Variants in XIRP1 observed in about 807,000 individuals in gnomAD.
XIRP1 encodes the protein xin actin binding repeat containing 1.
For synonymous variants in XIRP1, 984 were observed against 947.0 expected, an observed-to-expected ratio of 1.04 and a Z score of -0.72; for missense variants, 2,378 against 2,345.4, an observed-to-expected ratio of 1.01 and a Z score of -0.29.
rs147610598 is a variant in XIRP1, at chr3:39,187,850, G to A, written c.1596C>T (p.Asp532=). 66 of 1,614,142 alleles carry A rather than the reference G, an allele frequency of 4.1e-5. No homozygotes were observed. In the African/African-American group the frequency reaches 5.1e-4, roughly 12 times the overall value. ...CCTGCCGGGTGATGCCCCGCACCAC[G>A]TCGATGGTACTGGGGCTTCGGCCGA... is the stretch of plus-strand genomic sequence containing the variant. The part of the protein sequence containing the change: ...DQLGRSPSTI[D]VVRGITRQEV... The change falls in exon 2 of 2, where the codon GAC becomes GAT. Residue 532 remains aspartate (D), a synonymous_variant. Coordinates refer to ENST00000340369, the MANE Select transcript of XIRP1 (RefSeq NM_194293.4).
Position 39,188,586 on chromosome 3 carries a change from T to C in XIRP1, c.860A>G (p.Gln287Arg), listed in dbSNP as rs1213624774. The C allele has an allele frequency of 6.2e-6, 10 of 1,613,660 alleles. No homozygotes were observed. The highest frequency in any genetic ancestry group is 8.5e-6 in the Non-Finnish European group (10 of 1,179,762). ...GGAAATCCCCCGGATCACCCGCACCTGGCTGGGGTCCTGGTTGATGGCGTC... is the reference window on the plus strand; with the variant it reads ...GGAAATCCCCCGGATCACCCGCACCCGGCTGGGGTCCTGGTTGATGGCGTC... ...PLDAINQDPS[Q>R]VRVIRGISLE... The change falls in exon 2 of 2, where the codon CAG becomes CGG. Residue 287 changes from glutamine to arginine, a missense_variant. Transcript: ENST00000340369.
At position 39,189,128 on chromosome 3, in the gene XIRP1, A is replaced by T. The variant is rs1256028105; in HGVS notation, c.318T>A (p.Ile106=). The stretch of plus-strand genomic sequence containing the variant: ...TGGCAGCTGGCCTCTCGTGTTCTCC[A>T]ATGGCATCCAGTCTCCAGTTCTCAA... The part of the protein sequence containing the change: ...WIFENWRLDA[I]GEHERPAAKE... Residue 106 remains isoleucine (I), a synonymous_variant, in exon 2 of 2, where the codon ATT becomes ATA. Coordinates refer to ENST00000340369, the MANE Select transcript of XIRP1 (RefSeq NM_194293.4). The T allele has an allele frequency of 1.7e-5, 28 of 1,613,912 alleles. No homozygotes were observed. The highest frequency in any genetic ancestry group is 2.4e-5 in the Non-Finnish European group (28 of 1,180,010).
rs1322825028 is a variant in XIRP1, at chr3:39,189,295, C to G, written c.151G>C (p.Ala51Pro). 1 of 1,609,384 alleles carries G rather than the reference C, an allele frequency of 6.2e-7. No individual in the cohort carries two copies. The highest frequency in any genetic ancestry group is 1.1e-5 in the South Asian group (1 of 90,990). The change falls in exon 2 of 2, where the codon GCT (alanine) becomes CCT (proline). Residue 51 changes from alanine (A) to proline (P), a missense_variant. By Grantham distance (27) the Ala-to-Pro change is conservative. Coordinates refer to ENST00000340369, the MANE Select transcript of XIRP1 (RefSeq NM_194293.4). ...CTGTAGAGGCGGCGGAGCTCACTAG[C>G]TTGCCGCTGCTGATGGAACTTGGAG... ...SFSKFHQQRQASELRRLYRHI... is the reference protein window; with the variant it reads ...SFSKFHQQRQPSELRRLYRHI...
In XIRP1 at chr3:39,186,984, T is replaced by C; in HGVS notation, c.2462A>G (p.Glu821Gly). The C allele has an allele frequency of 3.1e-6, 5 of 1,605,096 alleles. No homozygotes were observed. The highest frequency in any genetic ancestry group is 4.3e-6 in the Non-Finnish European group (5 of 1,172,506). The change falls in exon 2 of 2, where the codon GAG becomes GGG. Residue 821 changes from glutamate to glycine, a missense_variant. Transcript: ENST00000340369. ...GQGHPYIRKE[E>G]LVSGELPRII... ...CCTGGGAAGTTCACCTGACACCAGC[T>C]CCTCCTTTCGTATATAAGGGTGCCC...
rs548147356 is a variant in XIRP1 at position 39,188,598 on chromosome 3, T to C, written c.848A>G (p.Gln283Arg). ...FETRPLDAIN[Q>R]DPSQVRVIRG... ...GATCACCCGCACCTGGCTGGGGTCC[T>C]GGTTGATGGCGTCCAGAGGCCGGGT... Residue 283 changes from glutamine (Q) to arginine (R), a missense_variant, in exon 2 of 2, where the codon CAG (glutamine) becomes CGG (arginine). Transcript: ENST00000340369. 1.2e-6 allele frequency: 2 copies of C among 1,613,844 alleles called. No homozygotes were observed.
In XIRP1 at chr3:39,186,635, G is replaced by T. The variant is rs1480487645; in HGVS notation, c.2811C>A (p.Asp937Glu). 7 of 1,611,760 alleles carry T rather than the reference G, an allele frequency of 4.3e-6. No individual in the cohort carries two copies. In the South Asian group the frequency reaches 5.5e-5, roughly 13 times the overall value. The change falls in exon 2 of 2, where the codon GAC becomes GAA. Residue 937 changes from aspartate (D) to glutamate (E), a missense_variant. Physicochemically the swap from Asp to Glu is conservative, Grantham distance 45 (BLOSUM62 2). Coordinates refer to ENST00000340369, the MANE Select transcript of XIRP1 (RefSeq NM_194293.4). ...QLLASCIDKG[D>E]LSGLHSLRWE... ...ACCGCAGACTGTGCAGGCCACTCAG[G>T]TCTCCTTTATCTATGCAGCTGGCCA...
Position 39,184,940 on chromosome 3 carries a change from G to A in XIRP1, c.4506C>T (p.Pro1502=). ...CCTGAGGAGCAGCCCCTCCCAGCTG[G>A]GGCACGGCCTCAAAGAGCCTCCGCA... The part of the protein sequence containing the change: ...QALRRLFEAV[P]QLGGAAPQAP... The change falls in exon 2 of 2, where the codon CCC becomes CCT. Residue 1502 remains proline, a synonymous_variant. Transcript: ENST00000340369. 1 of 1,565,316 alleles carries A rather than the reference G, an allele frequency of 6.4e-7. No individual in the cohort carries two copies. Among genetic ancestry groups the A allele is most frequent in the South Asian group, 1.2e-5 (1 of 83,084 alleles).
chr3:39,189,249 CG>C lies in XIRP1; in HGVS notation c.196del (p.Arg66AlafsTer103). 3.1e-6 allele frequency: 5 copies of C among 1,614,050 alleles called. No individual in the cohort carries two copies. The highest frequency in any genetic ancestry group is 4.2e-6 in the Non-Finnish European group (5 of 1,179,988). On this transcript the variant is annotated frameshift_variant, in exon 2 of 2. Transcript: ENST00000340369. LOFTEE classifies it low-confidence loss of function (END_TRUNC). ...GGCCACAGCCTCAGCCAGATTCTTGCGGAGCTCAGGGTGGATGTGCCTGTAG... is the reference window on the plus strand; with the variant it reads ...GGCCACAGCCTCAGCCAGATTCTTGCGAGCTCAGGGTGGATGTGCCTGTAG... ...RLYRHIHPEL[R>X]KNLAEAVAED...
rs2039898437 is a variant in XIRP1, at chr3:39,183,273, G to T, written c.*641C>A. On this transcript the variant is annotated 3_prime_UTR_variant, in exon 2 of 2. Transcript: ENST00000340369. ...TGCTTCCCATTTGGGGTGCAGAGTG[G>T]GGGACAGTCATGGGGACAGAGAAAG... 6.5e-6 allele frequency: 1 copy of T among 153,186 alleles called. No individual in the cohort carries two copies. Among genetic ancestry groups the T allele is most frequent in the Admixed American group, 6.5e-5 (1 of 15,344 alleles). The allele number at this position is 153,186 out of a possible 1,614,324, so 9.5% of individuals were successfully genotyped here.
chr3:39,184,630 G>T lies in XIRP1; in HGVS notation c.4816C>A (p.Gln1606Lys). Residue 1606 changes from glutamine to lysine, a missense_variant, in exon 2 of 2, where the codon CAA becomes AAA. Gln to Lys is a moderately conservative substitution (Grantham distance 53). Transcript: ENST00000340369. ...TTGGCTTGGTTCTTGACTGCAGTTT[G>T]ACCTCCGACCTCCTGGCCTGAGCCA... The part of the protein sequence containing the change: ...PSGSGQEVGG[Q>K]TAVKNQAKVE... The T allele has an allele frequency of 6.2e-7, 1 of 1,613,780 alleles. No homozygotes were observed.
intron 1 of XIRP1, among the ~76,000 whole-genome samples, chr3:39,191,872 G>T (rs59725563): frequency 0.015 from 2,322 of 152,322 alleles, 57 homozygotes; most frequent in African/African-American, 0.052. Flanking sequence ...GCAAGACTAT[G>T]GACATGGGCA....
chr3:39,190,214 A>G (rs1254071287), intron 1 of XIRP1, among the ~76,000 whole-genome samples: 1 of 152,178 alleles, frequency 6.6e-6, no homozygotes, highest in Non-Finnish European at 1.5e-5. Context: ...TCGAAGACTG[A>G]GAATGTCTGA....
rs367688835 is a variant in XIRP1, at chr3:39,184,189, G to A, written c.5257C>T (p.Gln1753Ter). ...TGTTGTGAGCTCCCTGGCCCCGTCT[G>A]TAGCTCCAGAACACTCTTTTGCCAC... Reference protein sequence around the residue: ...RGWQKSVLELQTGPGSSQHYG... With the variant: ...RGWQKSVLEL Residue 1753 changes from glutamine (Q) to a stop codon, truncating the protein, a stop_gained, in exon 2 of 2, where the codon CAG becomes TAG. Coordinates refer to ENST00000340369, the MANE Select transcript of XIRP1 (RefSeq NM_194293.4). LOFTEE classifies it low-confidence loss of function (END_TRUNC). The A allele has an allele frequency of 5.0e-6, 8 of 1,614,094 alleles. No individual in the cohort carries two copies. The highest frequency in any genetic ancestry group is 6.8e-6 in the Non-Finnish European group (8 of 1,180,042).
rs762282667 is a variant in XIRP1 at position 39,185,487 on chromosome 3, G to A, written c.3959C>T (p.Pro1320Leu). Residue 1320 changes from proline (P) to leucine (L), a missense_variant, in exon 2 of 2, where the codon CCA (proline) becomes CTA (leucine). By Grantham distance (98) the Pro-to-Leu change is moderately conservative. Coordinates refer to ENST00000340369, the MANE Select transcript of XIRP1 (RefSeq NM_194293.4). ...AGGGGGCAGCTGCGGCTTCTTCTTT[G>A]GGGGCATGGTGGGGTCCAGTTTTGG... ...KTPKLDPTMP[P>L]KKKPQLPPKP... 2 of 1,567,624 alleles carry A rather than the reference G, an allele frequency of 1.3e-6. No individual in the cohort carries two copies. The highest frequency in any genetic ancestry group is 1.8e-5 in the Admixed American group (1 of 54,578).
chr3:39,190,183 T>C (rs1052209657), intron 1 of XIRP1, among the ~76,000 whole-genome samples: 4 of 152,194 alleles, frequency 2.6e-5, no homozygotes, highest in African/African-American at 7.2e-5. Flanking sequence ...GAATATCTGG[T>C]CAGGGTTTTC....
At position 39,188,410 on chromosome 3, in the gene XIRP1, G is replaced by A. The variant is rs201620788; in HGVS notation, c.1036C>T (p.Gln346Ter). Residue 346 changes from glutamine (Q) to a stop codon, truncating the protein, a stop_gained, in exon 2 of 2, where the codon CAG becomes TAG. Coordinates refer to ENST00000340369, the MANE Select transcript of XIRP1 (RefSeq NM_194293.4). LOFTEE classifies it low-confidence loss of function (END_TRUNC). ...IPPGPDVQQQ[Q>*]HLFETRALDT... ...AGCGCTCGGGTCTCAAACAGATGCT[G>A]CTGCTGCTGAACATCTGGACCAGGT... 8.1e-6 allele frequency: 13 copies of A among 1,608,016 alleles called. No homozygotes were observed. In the Admixed American group the frequency reaches 8.4e-5, roughly 10 times the overall value.
In XIRP1 at chr3:39,188,303, G is replaced by A. The variant is rs1450447377; in HGVS notation, c.1143C>T (p.Thr381=). Residue 381 remains threonine, a synonymous_variant, in exon 2 of 2, where the codon ACC becomes ACT. Transcript: ENST00000340369. ...EEVVPGDVRS[T]LWLFETKPLD... ...GGGGCTTTGTTTCAAATAGCCACAG[G>A]GTGGAGCGGACATCACCAGGGACCA... The A allele has an allele frequency of 5.0e-6, 8 of 1,614,060 alleles. No homozygotes were observed. The Admixed American group carries it at 5.0e-5, about 10-fold the overall frequency.
chr3:39,185,681 A>G lies in XIRP1; in HGVS notation c.3765T>C (p.Pro1255=). 6.2e-7 allele frequency: 1 copy of G among 1,613,178 alleles called. No individual in the cohort carries two copies. Among genetic ancestry groups the G allele is most frequent in the Non-Finnish European group, 8.5e-7 (1 of 1,179,646 alleles). ...CAGCAGCTGGGAGAGTAGGAGGAGG[A>G]GGAACAAAGGCATTATGGGGGTGCG... ...ASPHPHNAFV[P]PPPTLPAAVT... The change falls in exon 2 of 2, where the codon CCT becomes CCC. Residue 1255 remains proline, a synonymous_variant. Coordinates refer to ENST00000340369, the MANE Select transcript of XIRP1 (RefSeq NM_194293.4).
At position 39,187,833 on chromosome 3, in the gene XIRP1, G is replaced by A. The variant is rs1051411814; in HGVS notation, c.1613C>T (p.Thr538Ile). The A allele has an allele frequency of 6.2e-7, 1 of 1,614,154 alleles. No homozygotes were observed. The highest frequency in any genetic ancestry group is 1.3e-5 in the African/African-American group (1 of 75,028). The change falls in exon 2 of 2, where the codon ACC becomes ATC. Residue 538 changes from threonine (T) to isoleucine (I), a missense_variant. By Grantham distance (89) the Thr-to-Ile change is moderately conservative (BLOSUM62 -1). Coordinates refer to ENST00000340369, the MANE Select transcript of XIRP1 (RefSeq NM_194293.4). ...PSTIDVVRGI[T>I]RQEVVAGDVG... ...GTCCCCAGCCACCACTTCCTGCCGG[G>A]TGATGCCCCGCACCACGTCGATGGT...
Sources: allele counts gnomAD v4.1 joint callset (sites outside exome capture counted in the v4.1 genomes callset), GRCh38; gene constraint gnomAD v4.1.1; transcripts MANE v1.5; gene names NCBI Gene and HGNC (gene_info 2026-07-23, HGNC 2026-07-21).